TIGAR: variants seen among roughly 807,000 people sequenced by gnomAD.
The protein encoded by TIGAR is fructose-2,6-bisphosphatase TIGAR.
TIGAR carries 7 observed loss-of-function variants against 17.9 expected under a neutral mutation model. That is an observed-to-expected ratio of 0.39 (90% CI 0.22 to 0.73). TIGAR has a LOEUF of 0.73. Ranked by LOEUF, TIGAR falls within the 30% of genes least tolerant of loss-of-function variation. The pLI is 0.42. For missense variants in TIGAR, 258 were observed against 327.4 expected, an observed-to-expected ratio of 0.79 and a Z score of 1.64; for synonymous variants, 94 against 108.6, an observed-to-expected ratio of 0.87 and a Z score of 0.84.
At chr12:4,346,962 G>A (rs146983839) in intron 3 of TIGAR, among the ~76,000 whole-genome samples, 90 of 152,270 alleles carry the variant, frequency 5.9e-4, no homozygotes, top group Non-Finnish European at 1.1e-3. Context: ...ATGTGAATTA[G>A]TACAACCACT....
At position 4,321,393 on chromosome 12, in the gene TIGAR, C is replaced by T; in HGVS notation, c.32+90C>T. 3 of 1,561,710 alleles carry T rather than the reference C, an allele frequency of 1.9e-6. No homozygotes were observed. The highest frequency in any genetic ancestry group is 1.7e-5 in the Admixed American group (1 of 59,180). ...GGGAAAACGGGTCCACCACCCTCTC[C>T]CCTCCCTGCTCGCTCCAGCCCGGGA... On this transcript the variant is annotated intron_variant, in intron 1 of 5. Transcript: ENST00000179259. The surrounding 1 kb of genome is among the most constrained non-coding windows in gnomAD (Gnocchi z 5.2).
chr12:4,329,493 C>T (rs1864582200), intron 1 of TIGAR, among the ~76,000 whole-genome samples: 2 of 151,938 alleles, frequency 1.3e-5, no homozygotes, highest in Admixed American at 1.3e-4. Context: ...CGCCCGCCAC[C>T]ACGCATGGCT....
rs1215764559 is a variant in TIGAR at position 4,355,165 on chromosome 12, A to G, written c.*2474A>G. Reference sequence around the variant, plus strand: ...AGGTCATACAGTAATGTCTTCTTACAGTTTTTGAGAACTTCTGAATGTCAA... The same window carrying G: ...AGGTCATACAGTAATGTCTTCTTACGGTTTTTGAGAACTTCTGAATGTCAA... On this transcript the variant is annotated 3_prime_UTR_variant, in exon 6 of 6. Transcript: ENST00000179259. Among the ~76,000 whole-genome samples the G allele has an allele frequency of 2.0e-5, 3 of 152,160 alleles. No homozygotes were observed. The highest frequency in any genetic ancestry group is 2.9e-5 in the Non-Finnish European group (2 of 68,024).
rs1404418157 is a variant in TIGAR at position 4,354,614 on chromosome 12, C to G, written c.*1923C>G. 1 of 151,718 alleles carries G rather than the reference C, an allele frequency of 6.6e-6. No homozygotes were observed. The highest frequency in any genetic ancestry group is 2.4e-5 in the African/African-American group (1 of 41,258). 9.4% of individuals were successfully genotyped at this position (151,718 alleles called of 1,614,324 possible). On this transcript the variant is annotated 3_prime_UTR_variant, in exon 6 of 6. Transcript: ENST00000179259. ...TTTTACTTATGTCTTGGAGGCATCT[C>G]TGTGTTGATATATATAGATCTAGTT... is the stretch of plus-strand genomic sequence containing the variant.
intron 3 of TIGAR, among the ~76,000 whole-genome samples, chr12:4,341,957 G>A (rs1165402456): frequency 1.3e-5 from 2 of 152,146 alleles, no homozygotes; most frequent in African/African-American, 2.4e-5. Flanking sequence ...GAGGAAGTTC[G>A]AACCCATTGC....
At chr12:4,324,134 C>A (rs767399624) in intron 1 of TIGAR, among the ~76,000 whole-genome samples, 11 of 152,252 alleles carry the variant, frequency 7.2e-5, no homozygotes, top group East Asian at 5.8e-4. Flanking sequence ...GCCCAAGATT[C>A]CAGAATTCAA....
chr12:4,351,187 T>C, intron 4 of TIGAR, 80 bp from the exon 5 acceptor site: 2 of 1,309,358 alleles, frequency 1.5e-6, no homozygotes, highest in Admixed American at 3.6e-5. Context: ...GGATGAATGT[T>C]CTAAATTTGC....
At chr12:4,324,681 C>T in intron 1 of TIGAR, 3 of 1,014,186 alleles carry the variant, frequency 3.0e-6, no homozygotes, top group East Asian at 2.6e-5. Flanking sequence ...GGTTCACTTG[C>T]GGCCGCTGGC....
Sources: allele counts gnomAD v4.1 joint callset (sites outside exome capture counted in the v4.1 genomes callset), GRCh38; gene constraint gnomAD v4.1.1; non-coding constraint Gnocchi (gnomAD v3.1); transcripts MANE v1.5; gene names NCBI Gene and HGNC (gene_info 2026-07-23, HGNC 2026-07-21).